Variants in RADIL observed in about 807,000 individuals in gnomAD.
RADIL encodes Rap associating with DIL domain, also known as ras-associating and dilute domain-containing protein.
Under a neutral mutation model 97.6 loss-of-function variants are expected in RADIL, and 99 were observed. That is an observed-to-expected ratio of 1.01 (90% confidence interval 0.86 to 1.20). The LOEUF (loss-of-function observed/expected upper bound fraction) is 1.20, where lower values mean the gene tolerates loss of function less well. Among genes scored for constraint, RADIL ranks in the 50% most tolerant of loss-of-function variants. The probability of loss-of-function intolerance (pLI) is 0.00; values close to 1 mark genes in which losing one functional copy is unlikely to be tolerated. For missense variants in RADIL, 1,765 were observed against 1,498.9 expected (o/e 1.18, Z -2.93); for synonymous variants, 803 against 691.8 (o/e 1.16, Z -2.52).
In RADIL at chr7:4,842,845, G is replaced by A. The variant is rs1052779125; in HGVS notation, c.536-6240C>T. 3.9e-5 allele frequency among the ~76,000 whole-genome samples: 6 copies of A among 151,962 alleles called. No individual in the cohort carries two copies. Among genetic ancestry groups the A allele is most frequent in the Non-Finnish European group, 5.9e-5 (4 of 67,994 alleles). On this transcript the variant is annotated intron_variant, in intron 2 of 14. Transcript: ENST00000399583. The surrounding 1 kb of genome is among the most constrained non-coding windows in gnomAD (Gnocchi z 4.5). ...GGAACTTTACCACTACTGGGGAACC[G>A]GAGACCATTGTACTTATTTGCTATG...
In RADIL at chr7:4,824,439, ATCTGGGAAGGGCTGAGGC is replaced by A. The variant is rs955886771; in HGVS notation, c.1455-1903_1455-1886del. ...CTTAAGGCAGCCGGTTTGTGAGGGC[ATCTGGGAAGGGCTGAGGC>A]CCTGTTTTCCTCCCTGTTCTTTCCC... On this transcript the variant is annotated intron_variant, in intron 5 of 14. Coordinates refer to ENST00000399583, the MANE Select transcript of RADIL (RefSeq NM_018059.5). This position sits in a 1 kb window ranked among gnomAD's most constrained non-coding sequence, Gnocchi z 6.7. Among the ~76,000 whole-genome samples the A allele has an allele frequency of 1.3e-5, 2 of 152,202 alleles. No individual in the cohort carries two copies. The highest frequency in any genetic ancestry group is 2.9e-5 in the Non-Finnish European group (2 of 68,028).
Position 4,801,685 on chromosome 7 carries a change from C to T in RADIL, c.2810G>A (p.Gly937Glu). The change falls in exon 12 of 15, where the codon GGA becomes GAA. Residue 937 changes from glycine to glutamate, a missense_variant. Coordinates refer to ENST00000399583, the MANE Select transcript of RADIL (RefSeq NM_018059.5). ...AGCTGCACCCCGGAGGCCGCTGAGT[C>T]CGTTCCTCTGCCTCTCTGGGAGCGC... is the stretch of plus-strand genomic sequence containing the variant. ...GKALPERQRN[G>E]LSGLRGAAPE... is the part of the protein sequence containing the mutation. 1 of 1,607,362 alleles carries T rather than the reference C, an allele frequency of 6.2e-7. No homozygotes were observed. Among genetic ancestry groups the T allele is most frequent in the South Asian group, 1.1e-5 (1 of 90,192 alleles).
Position 4,872,175 on chromosome 7 carries a change from C to A in RADIL, c.535+5430G>T, listed in dbSNP as rs1583325786. Among the ~76,000 whole-genome samples, 1 of 152,170 alleles carries A rather than the reference C, an allele frequency of 6.6e-6. No individual in the cohort carries two copies. The highest frequency in any genetic ancestry group is 1.5e-5 in the Non-Finnish European group (1 of 68,026). ...GCTCGTGTGGCCGAGTCCAGGCAGC[C>A]AGGTCCAATACTGCAGCTCTCAATA... On this transcript the variant is annotated intron_variant, in intron 2 of 14. Coordinates refer to ENST00000399583, the MANE Select transcript of RADIL (RefSeq NM_018059.5). The surrounding 1 kb of genome is among the most constrained non-coding windows in gnomAD (Gnocchi z 5.8).
In RADIL at chr7:4,800,274, G is replaced by A. The variant is rs758571898; in HGVS notation, c.2879C>T (p.Ala960Val). 3.9e-6 allele frequency: 6 copies of A among 1,527,920 alleles called. No homozygotes were observed. The highest frequency in any genetic ancestry group is 3.9e-5 in the South Asian group (3 of 77,100). The allele number at this position is 1,527,920 out of a possible 1,614,324, so 94.6% of individuals were successfully genotyped here. The change falls in exon 13 of 15, where the codon GCC becomes GTC. Residue 960 changes from alanine (A) to valine (V), a missense_variant. Ala to Val is a moderately conservative substitution (Grantham distance 64). Transcript: ENST00000399583. ...GGTGCTGGAGCTGCGGCTGGACGGG[G>A]CTGGAGGGGACTCCTCCGCAAGGGC... Reference protein sequence around the residue: ...SAALAEESPPAPSSRSSSTED... With the variant: ...SAALAEESPPVPSSRSSSTED...
chr7:4,821,839 G>C lies in RADIL; in HGVS notation c.1615+555C>G, dbSNP rs1051219495. Among the ~76,000 whole-genome samples, 1 of 152,178 alleles carries C rather than the reference G, an allele frequency of 6.6e-6. No homozygotes were observed. Among genetic ancestry groups the C allele is most frequent in the Non-Finnish European group, 1.5e-5 (1 of 68,036 alleles). The stretch of plus-strand genomic sequence containing the variant: ...CCATTGCACTCCAGCCTGGGTGACA[G>C]AGCGAGACTCCGTCTCAAAAAAAGA... On this transcript the variant is annotated intron_variant, in intron 6 of 14. Transcript: ENST00000399583. The surrounding 1 kb of genome is among the most constrained non-coding windows in gnomAD (Gnocchi z 5.2).
Position 4,883,428 on chromosome 7 carries a change from T to G in RADIL, c.-65+168A>C, listed in dbSNP as rs1421940977. On this transcript the variant is annotated intron_variant, in intron 1 of 14. Coordinates refer to ENST00000399583, the MANE Select transcript of RADIL (RefSeq NM_018059.5). The surrounding 1 kb of genome is among the most constrained non-coding windows in gnomAD (Gnocchi z 7.1). The stretch of plus-strand genomic sequence containing the variant: ...GGCCGGGGCCCGACAGCCAGTCGGT[T>G]CCCATGGCAACTGGGCAAACCTGCC... Among the ~76,000 whole-genome samples the G allele has an allele frequency of 6.6e-6, 1 of 151,642 alleles. No homozygotes were observed. Among genetic ancestry groups the G allele is most frequent in the Non-Finnish European group, 1.5e-5 (1 of 67,872 alleles).
rs1177476641 is a variant in RADIL, at chr7:4,818,602, C to A, written c.1616-1251G>T. The stretch of plus-strand genomic sequence containing the variant: ...CCTCAACACTGTGCCCAGAAGCCTC[C>A]AGGCCTGTGGAGACACACAAGGTGG... On this transcript the variant is annotated intron_variant, in intron 6 of 14. Coordinates refer to ENST00000399583, the MANE Select transcript of RADIL (RefSeq NM_018059.5). The surrounding 1 kb of genome is among the most constrained non-coding windows in gnomAD (Gnocchi z 7.1). Among the ~76,000 whole-genome samples the A allele has an allele frequency of 6.6e-5, 10 of 152,214 alleles. 1 individual carries two copies. Among genetic ancestry groups the A allele is most frequent in the Admixed American group, 5.2e-4 (8 of 15,292 alleles).
intron 5 of RADIL, among the ~76,000 whole-genome samples, chr7:4,825,883 GA>G (rs540147941): frequency 0.016 from 817 of 51,008 alleles, no homozygotes; most frequent in Middle Eastern, 0.042. Flanking sequence ...CTCCGTCTCA[GA>G]AAAAAAAAAA....
chr7:4,830,382 G>A (rs300538), intron 5 of RADIL, among the ~76,000 whole-genome samples: 103,612 of 152,018 alleles, frequency 0.68, 36,150 homozygotes, highest in Admixed American at 0.8. Context: ...CAGATCAACC[G>A]AATGGTTTCC....
At position 4,819,282 on chromosome 7, in the gene RADIL, G is replaced by T. The variant is rs1489176159; in HGVS notation, c.1616-1931C>A. 2.0e-5 allele frequency among the ~76,000 whole-genome samples: 3 copies of T among 151,846 alleles called. No homozygotes were observed. The highest frequency in any genetic ancestry group is 7.3e-5 in the African/African-American group (3 of 41,308). ...AGACGGGGTTTCACCATGTTGGCCA[G>T]GCTGGTCTCAAACTCCTGACCTCAT... On this transcript the variant is annotated intron_variant, in intron 6 of 14. Transcript: ENST00000399583. This position sits in a 1 kb window ranked among gnomAD's most constrained non-coding sequence, Gnocchi z 5.8.
At chr7:4,853,612 G>T (rs1344336647) in intron 2 of RADIL, among the ~76,000 whole-genome samples, 1 of 151,896 alleles carries the variant, frequency 6.6e-6, no homozygotes, top group Admixed American at 6.6e-5. Flanking sequence ...CATAGTGGTG[G>T]GTGCCTGTAA....
rs144485897 is a variant in RADIL, at chr7:4,850,867, T to C, written c.536-14262A>G. 3.8e-3 allele frequency among the ~76,000 whole-genome samples: 586 copies of C among 152,226 alleles called. 3 individuals are homozygous for C. The highest frequency in any genetic ancestry group is 0.013 in the African/African-American group (544 of 41,562). The stretch of plus-strand genomic sequence containing the variant: ...TGACTTGTGGAAAACGTAAGTTAAA[T>C]AGTATAGTTTTAAGCTGCACTTGTA... On this transcript the variant is annotated intron_variant, in intron 2 of 14. Coordinates refer to ENST00000399583, the MANE Select transcript of RADIL (RefSeq NM_018059.5).
At chr7:4,805,094 C>CA (rs201245558) in intron 10 of RADIL, among the ~76,000 whole-genome samples, 2,901 of 151,036 alleles carry the variant, frequency 0.019, 82 homozygotes, top group African/African-American at 0.067. Flanking sequence ...ACTCTTGTCT[C>CA]AAAAATAAAA....
intron 5 of RADIL, among the ~76,000 whole-genome samples, chr7:4,829,578 C>T (rs1158106994): frequency 6.6e-6 from 1 of 152,122 alleles, no homozygotes; most frequent in African/African-American, 2.4e-5. Context: ...TTACAGGGTT[C>T]GGCTGTGTCT....
intron 2 of RADIL, among the ~76,000 whole-genome samples, chr7:4,857,499 G>A (rs7794605): frequency 0.022 from 3,312 of 151,840 alleles, 139 homozygotes; most frequent in African/African-American, 0.074. Context: ...CTATTTTTTT[G>A]TATGCTTTCC....
intron 9 of RADIL, among the ~76,000 whole-genome samples, chr7:4,808,035 C>T (rs556812761): frequency 1.7e-3 from 155 of 91,826 alleles, no homozygotes; most frequent in South Asian, 2.7e-3. Flanking sequence ...CATCTTTCTC[C>T]GCTCCTTCCT....
In RADIL at chr7:4,877,966, C is replaced by G. The variant is rs1164558244; in HGVS notation, c.174G>C (p.Gln58His). 6.2e-7 allele frequency: 1 copy of G among 1,611,588 alleles called. No homozygotes were observed. The highest frequency in any genetic ancestry group is 8.5e-7 in the Non-Finnish European group (1 of 1,179,964). ...CCTTCAGGACACCAGGGGCCGACAG[C>G]TGGGTGGAGAGCTCGGCGGGGTCAT... Reference protein sequence around the residue: ...ASDDPAELSTQLSAPGVLKVF... With the variant: ...ASDDPAELSTHLSAPGVLKVF... Residue 58 changes from glutamine (Q) to histidine (H), a missense_variant, in exon 2 of 15, where the codon CAG (glutamine) becomes CAC (histidine). Physicochemically the swap from Gln to His is conservative, Grantham distance 24. Transcript: ENST00000399583.
Position 4,801,866 on chromosome 7 carries a change from C to G in RADIL, c.2629G>C (p.Ala877Pro). Residue 877 changes from alanine to proline, a missense_variant, in exon 12 of 15, where the codon GCA (alanine) becomes CCA (proline). Physicochemically the swap from Ala to Pro is conservative, Grantham distance 27. Transcript: ENST00000399583. ...RTLPLRGAPW[A>P]QAPPGRQPSR... ...GGTTGCCTTCCAGGGGGGGCCTGTG[C>G]CCAGGGAGCCCCCCTCAAGGGAAGA... is the stretch of plus-strand genomic sequence containing the variant. 3.1e-6 allele frequency: 5 copies of G among 1,590,052 alleles called. No individual in the cohort carries two copies. The highest frequency in any genetic ancestry group is 4.3e-6 in the Non-Finnish European group (5 of 1,168,830).
chr7:4,878,262 G>C lies in RADIL; in HGVS notation c.-64-59C>G, dbSNP rs1331772842. On this transcript the variant is annotated intron_variant, in intron 1 of 14. Transcript: ENST00000399583. This position sits in a 1 kb window ranked among gnomAD's most constrained non-coding sequence, Gnocchi z 4.1. ...CATCGTGACCACCAAGAGCAAATGA[G>C]GCCACAGGCGGTGACTCCTGCCCGT... 3 of 1,113,392 alleles carry C rather than the reference G, an allele frequency of 2.7e-6. No individual in the cohort carries two copies. In the African/African-American group the frequency reaches 4.8e-5, roughly 18 times the overall value. 69.0% of individuals were successfully genotyped at this position (1,113,392 alleles called of 1,614,324 possible). A position where few individuals can be genotyped will look rare whatever the true frequency, so the allele number is the denominator to read the frequency against.
Sources: allele counts gnomAD v4.1 joint callset (sites outside exome capture counted in the v4.1 genomes callset), GRCh38; gene constraint gnomAD v4.1.1; non-coding constraint Gnocchi (gnomAD v3.1); transcripts MANE v1.5; gene names NCBI Gene and HGNC (gene_info 2026-07-23, HGNC 2026-07-21).